Variants in PAPPA2 observed in about 807,000 individuals in gnomAD.
PAPPA2 encodes the protein pappalysin 2.
PAPPA2 carries 86 observed loss-of-function variants against 176.4 expected under a neutral mutation model. The observed-to-expected ratio is 0.49, with a 90% CI of 0.41 to 0.58. The LOEUF (loss-of-function observed/expected upper bound fraction) is 0.58, where lower values mean the gene tolerates loss of function less well. Among genes scored for constraint, PAPPA2 ranks in the 20% least tolerant of loss-of-function variants. The pLI is 0.00. For missense variants in PAPPA2, 2,073 were observed against 2,256.9 expected (o/e 0.92, Z 1.65); for synonymous variants, 809 against 852.2 (o/e 0.95, Z 0.88).
intron 2 of PAPPA2, among the ~76,000 whole-genome samples, chr1:176,589,999 A>G (rs1653558301): frequency 6.6e-6 from 1 of 152,160 alleles, no homozygotes; most frequent in African/African-American, 2.4e-5. Flanking sequence ...TGTGCAGGCT[A>G]CTCTATGACT....
intron 14 of PAPPA2, among the ~76,000 whole-genome samples, chr1:176,758,919 A>G (rs1663563797): frequency 6.6e-6 from 1 of 152,216 alleles, no homozygotes; most frequent in Admixed American, 6.5e-5. Flanking sequence ...CTTTGATAGA[A>G]GTCAGTTCAA....
chr1:176,736,402 CTA>C (rs1662413130), intron 12 of PAPPA2, among the ~76,000 whole-genome samples: 1 of 150,186 alleles, frequency 6.7e-6, no homozygotes, highest in African/African-American at 2.4e-5. Context: ...TATTCTCTCT[CTA>C]TATATATGTA....
At chr1:176,535,601 A>G (rs189601460) in intron 1 of PAPPA2, among the ~76,000 whole-genome samples, 2 of 152,320 alleles carry the variant, frequency 1.3e-5, no homozygotes, top group East Asian at 3.9e-4. Context: ...GAAGAGCACC[A>G]GGCCAGAGGA....
At chr1:176,478,081 T>C (rs1266890166) in intron 1 of PAPPA2, among the ~76,000 whole-genome samples, 2 of 152,216 alleles carry the variant, frequency 1.3e-5, no homozygotes, top group Non-Finnish European at 2.9e-5. Context: ...TCACCTTGCG[T>C]AGGAACTATA....
chr1:176,557,334 G>A (rs1651379679), intron 2 of PAPPA2, 93 bp downstream of exon 2: 2 of 1,400,236 alleles, frequency 1.4e-6, no homozygotes, highest in Non-Finnish European at 1.9e-6. Context: ...ATGGGAAGGG[G>A]ACCCAACAGG....
At chr1:176,517,870 C>A (rs920403641) in intron 1 of PAPPA2, among the ~76,000 whole-genome samples, 2 of 148,038 alleles carry the variant, frequency 1.4e-5, no homozygotes, top group Non-Finnish European at 3.0e-5. Context: ...AATTCCAGGG[C>A]AATAAAGAAA....
chr1:176,725,702 A>ACG (rs571354989), intron 12 of PAPPA2, among the ~76,000 whole-genome samples: 6 of 152,058 alleles, frequency 3.9e-5, no homozygotes, highest in Non-Finnish European at 7.4e-5. Flanking sequence ...ACACACACGC[A>ACG]CGCGCGCGCA....
intron 1 of PAPPA2, among the ~76,000 whole-genome samples, chr1:176,525,178 T>C (rs1649433866): frequency 6.6e-6 from 1 of 152,238 alleles, no homozygotes; most frequent in Non-Finnish European, 1.5e-5. Context: ...TAGACCCTAG[T>C]ACGGTTGCTG....
chr1:176,658,045 A>T (rs1658125457), intron 3 of PAPPA2, among the ~76,000 whole-genome samples: 2 of 152,042 alleles, frequency 1.3e-5, no homozygotes, highest in South Asian at 2.1e-4. Flanking sequence ...TGAGAAAGGA[A>T]TGATACTTGC....
intron 1 of PAPPA2, among the ~76,000 whole-genome samples, chr1:176,473,660 G>A (rs549076908): frequency 1.3e-5 from 2 of 152,278 alleles, no homozygotes; most frequent in African/African-American, 4.8e-5. Flanking sequence ...CAGTGAGTGA[G>A]TGCCTCTATT....
intron 17 of PAPPA2, among the ~76,000 whole-genome samples, chr1:176,772,952 A>T (rs1268374191): frequency 2.0e-5 from 3 of 152,102 alleles, no homozygotes; most frequent in Non-Finnish European, 4.4e-5. Context: ...GGGGCCAGAG[A>T]AATGTCTTAG....
At chr1:176,548,531 T>A (rs1421435026) in intron 1 of PAPPA2, among the ~76,000 whole-genome samples, 1 of 152,176 alleles carries the variant, frequency 6.6e-6, no homozygotes, top group Non-Finnish European at 1.5e-5. Flanking sequence ...AAAGTCTGGT[T>A]TTGTCATGCT....
chr1:176,832,258 C>A (rs1032101675), intron 21 of PAPPA2, among the ~76,000 whole-genome samples: 2 of 152,192 alleles, frequency 1.3e-5, no homozygotes, highest in African/African-American at 4.8e-5. Flanking sequence ...CATTCACTAA[C>A]AAGAACACTG....
chr1:176,601,853 C>G (rs1310435601), intron 3 of PAPPA2, among the ~76,000 whole-genome samples: 1 of 152,206 alleles, frequency 6.6e-6, no homozygotes, highest in Non-Finnish European at 1.5e-5. Context: ...ACATTTCTCC[C>G]TAAAATTATG....
At chr1:176,476,695 A>G (rs969637483) in intron 1 of PAPPA2, among the ~76,000 whole-genome samples, 3 of 152,222 alleles carry the variant, frequency 2.0e-5, no homozygotes, top group African/African-American at 7.2e-5. Context: ...CTCAACTGCC[A>G]GTTTTGGAAC....
chr1:176,660,553 G>A (rs1389837667), intron 3 of PAPPA2, among the ~76,000 whole-genome samples: 3 of 152,072 alleles, frequency 2.0e-5, no homozygotes, highest in Admixed American at 2.0e-4. Flanking sequence ...ATCTGGGCTA[G>A]GGATATAAAA....
At chr1:176,587,167 T>G (rs1653366594) in intron 2 of PAPPA2, among the ~76,000 whole-genome samples, 1 of 152,066 alleles carries the variant, frequency 6.6e-6, no homozygotes, top group Non-Finnish European at 1.5e-5. Flanking sequence ...ATGCTTAAGC[T>G]CCTCATAAAT....
rs1268622068 is a variant in PAPPA2 at position 176,699,029 on chromosome 1, T to C, written c.2747-71T>C. 2.0e-6 allele frequency: 3 copies of C among 1,499,636 alleles called. No homozygotes were observed. The East Asian group carries it at 6.8e-5, about 34-fold the overall frequency. The allele number at this position is 1,499,636 out of a possible 1,614,324, so 92.9% of individuals were successfully genotyped here. A position where few individuals can be genotyped will look rare whatever the true frequency, so the allele number is the denominator to read the frequency against. On this transcript the variant is annotated intron_variant, in intron 7 of 22. Coordinates refer to ENST00000367662, the MANE Select transcript of PAPPA2 (RefSeq NM_020318.3). ...TCTCTCCATAGTTCCTCTTTCTGGC[T>C]GCTAAGGGCTACTCATTTTCTGACT...
intron 18 of PAPPA2, among the ~76,000 whole-genome samples, chr1:176,790,419 A>G (rs1469182533): frequency 6.6e-6 from 1 of 152,208 alleles, no homozygotes; most frequent in East Asian, 1.9e-4. Flanking sequence ...AAGGTCTCAA[A>G]TGAAAAACAC....
Sources: gnomAD v4.1 joint callset for allele counts (sites outside exome capture counted in the v4.1 genomes callset) on GRCh38, gnomAD v4.1.1 for gene constraint, MANE v1.5 for transcripts, NCBI Gene and HGNC (gene_info 2026-07-23, HGNC 2026-07-21) for gene names.